LAMC1: variants seen among roughly 807,000 people sequenced by gnomAD.
The protein encoded by LAMC1 is laminin subunit gamma-1.
In LAMC1, 38 loss-of-function variants were observed where a neutral mutation model predicts 173.6. The observed-to-expected ratio is 0.22, with a 90% CI of 0.17 to 0.29. LAMC1 has a LOEUF of 0.29. LAMC1 is among the 10% of genes least tolerant of loss of function. The probability of loss-of-function intolerance (pLI) is 1.00; values close to 1 mark genes in which losing one functional copy is unlikely to be tolerated. For missense variants in LAMC1, 1,824 were observed against 2,051.8 expected (o/e 0.89, Z 2.14); for synonymous variants, 746 against 749.1 (o/e 1.00, Z 0.07).
chr1:183,122,127 T>C lies in LAMC1; in HGVS notation c.2277T>C (p.Tyr759=), dbSNP rs756203689. The C allele has an allele frequency of 1.2e-6, 2 of 1,614,186 alleles. No homozygotes were observed. Among genetic ancestry groups the C allele is most frequent in the Non-Finnish European group, 1.7e-6 (2 of 1,180,010 alleles). ...GTGAGAAGTGCAGTGATGGGTACTA[T>C]GGAGATTCAACTGCAGGCACCTCCT... is the stretch of plus-strand genomic sequence containing the variant. ...PHCEKCSDGY[Y]GDSTAGTSSD... Residue 759 remains tyrosine, a synonymous_variant, in exon 13 of 28, where the codon TAT becomes TAC. Transcript: ENST00000258341.
At chr1:183,036,654 G>T (rs1653992896) in intron 1 of LAMC1, among the ~76,000 whole-genome samples, 1 of 152,130 alleles carries the variant, frequency 6.6e-6, no homozygotes, top group African/African-American at 2.4e-5. Flanking sequence ...GCTTCCCAAA[G>T]TGCTGAGATT....
intron 4 of LAMC1, among the ~76,000 whole-genome samples, chr1:183,112,412 A>G (rs527832138): frequency 9.2e-5 from 14 of 152,264 alleles, no homozygotes; most frequent in East Asian, 1.9e-4. Context: ...AACATTGCCA[A>G]TTCACCTCTA....
chr1:183,068,505 C>T (rs1290573060), intron 1 of LAMC1, among the ~76,000 whole-genome samples: 2 of 152,176 alleles, frequency 1.3e-5, no homozygotes, highest in African/African-American at 4.8e-5. Context: ...TGAGGACCTA[C>T]TATGTGTAAG....
chr1:183,135,212 T>C, intron 24 of LAMC1, 56 bp downstream of exon 24: 2 of 1,031,190 alleles, frequency 1.9e-6, no homozygotes, highest in Non-Finnish European at 1.5e-6. Flanking sequence ...GTGATTTTTT[T>C]TTTTAATCAT....
At chr1:183,044,109 C>CT (rs1654206429) in intron 1 of LAMC1, among the ~76,000 whole-genome samples, 1 of 151,964 alleles carries the variant, frequency 6.6e-6, no homozygotes, top group South Asian at 2.1e-4. Context: ...TTGCTTTTGC[C>CT]TGTTGTGTTC....
intron 1 of LAMC1, among the ~76,000 whole-genome samples, chr1:183,070,226 C>T (rs1236029411): frequency 1.3e-5 from 2 of 152,196 alleles, no homozygotes; most frequent in East Asian, 1.9e-4. Flanking sequence ...ATTATTTAGT[C>T]TCTGGGCCTG....
intron 1 of LAMC1, among the ~76,000 whole-genome samples, chr1:183,050,541 C>CA (rs1654394620): frequency 6.9e-6 from 1 of 145,804 alleles, no homozygotes; most frequent in Non-Finnish European, 1.5e-5. Context: ...CTCGGCCTCC[C>CA]AAAGTGCTGG....
intron 16 of LAMC1, 109 bp from the exon 17 acceptor site, chr1:183,127,117 T>TCA (rs1656639972): frequency 1.0e-6 from 1 of 998,514 alleles, no homozygotes; most frequent in African/African-American, 1.8e-5. Context: ...TTCAAAAAAA[T>TCA]TATGACAGTA....
In LAMC1 at chr1:183,117,689, T is replaced by C; in HGVS notation, c.1843T>C (p.Tyr615His). 6.2e-7 allele frequency: 1 copy of C among 1,614,238 alleles called. No homozygotes were observed. The highest frequency in any genetic ancestry group is 8.5e-7 in the Non-Finnish European group (1 of 1,180,032). The change falls in exon 10 of 28, where the codon TAT becomes CAT. Residue 615 changes from tyrosine (Y) to histidine (H), a missense_variant. By Grantham distance (83) the Tyr-to-His change is moderately conservative. Coordinates refer to ENST00000258341, the MANE Select transcript of LAMC1 (RefSeq NM_002293.4). ...ACCCTTGATCGCTCAGGGCAATTCC[T>C]ATCCAAGTGAGACCACTGTGAAGTA... ...SVPLIAQGNS[Y>H]PSETTVKYVF...
chr1:183,090,870 A>G (rs915099626), intron 1 of LAMC1, among the ~76,000 whole-genome samples: 1 of 151,974 alleles, frequency 6.6e-6, no homozygotes, highest in Non-Finnish European at 1.5e-5. Context: ...ACTTTTTCCA[A>G]GAGTGTTGTT....
chr1:183,114,691 C>T lies in LAMC1; in HGVS notation c.1182C>T (p.Ala394=). The T allele has an allele frequency of 1.2e-6, 2 of 1,614,186 alleles. No homozygotes were observed. Among genetic ancestry groups the T allele is most frequent in the Non-Finnish European group, 1.7e-6 (2 of 1,180,042 alleles). ...ENFFRLGNNE[A]CSSCHCSPVG... ...TCTTCCGCCTTGGCAACAATGAAGC[C>T]TGCTCTTCATGCCACTGTAGTCCTG... The change falls in exon 5 of 28, where the codon GCC becomes GCT. Residue 394 remains alanine, a synonymous_variant. Coordinates refer to ENST00000258341, the MANE Select transcript of LAMC1 (RefSeq NM_002293.4).
intron 1 of LAMC1, among the ~76,000 whole-genome samples, chr1:183,050,930 A>T (rs1386124833): frequency 6.6e-6 from 1 of 151,366 alleles, no homozygotes; most frequent in Non-Finnish European, 1.5e-5. Context: ...GAATTAAAAG[A>T]CGTGGATATT....
chr1:183,130,317 CAG>C (rs1656746770), intron 18 of LAMC1, 25 bp from the exon 19 acceptor site: 1 of 1,576,174 alleles, frequency 6.3e-7, no homozygotes, highest in Admixed American at 1.7e-5. Context: ...AGATAATTTA[CAG>C]ACTTTCTTCT....
chr1:183,084,219 C>T (rs1220093952), intron 1 of LAMC1, among the ~76,000 whole-genome samples: 7 of 151,988 alleles, frequency 4.6e-5, no homozygotes, highest in African/African-American at 1.5e-4. Context: ...GCGGGCCGCC[C>T]GTAGTCCCAG....
intron 1 of LAMC1, among the ~76,000 whole-genome samples, chr1:183,068,252 A>C (rs560521572): frequency 6.6e-6 from 1 of 151,762 alleles, no homozygotes; most frequent in Non-Finnish European, 1.5e-5. Context: ...TTGTGTGTGT[A>C]TGTGTGTGTG....
At chr1:183,041,685 C>CAG (rs1369701023) in intron 1 of LAMC1, among the ~76,000 whole-genome samples, 1 of 152,164 alleles carries the variant, frequency 6.6e-6, no homozygotes, top group Non-Finnish European at 1.5e-5. Flanking sequence ...GGAGACAGGG[C>CAG]AGAGAAGACC....
At chr1:183,046,427 A>G (rs1654269734) in intron 1 of LAMC1, among the ~76,000 whole-genome samples, 1 of 151,646 alleles carries the variant, frequency 6.6e-6, no homozygotes, top group South Asian at 2.1e-4. Context: ...GATTGAATTG[A>G]CATCTTTATT....
At chr1:183,115,789 AG>A (rs1656302360) in intron 6 of LAMC1, 152 bp downstream of exon 6, 1 of 644,730 alleles carries the variant, frequency 1.6e-6, no homozygotes, top group African/African-American at 1.8e-5. Context: ...GTGAGCCACA[AG>A]GGGTTTGGCT....
In LAMC1 at chr1:183,134,737, C is replaced by A; in HGVS notation, c.3927C>A (p.Asp1309Glu). 2 of 1,612,792 alleles carry A rather than the reference C, an allele frequency of 1.2e-6. No homozygotes were observed. Among genetic ancestry groups the A allele is most frequent in the Non-Finnish European group, 1.7e-6 (2 of 1,178,828 alleles). ...ACCAGAAATTAAAAGATTATGAGGA[C>A]CTCAGAGAAGATATGAGAGGGAAGG... ...LIDQKLKDYEDLREDMRGKEL... is the reference protein window; with the variant it reads ...LIDQKLKDYEELREDMRGKEL... Residue 1309 changes from aspartate to glutamate, a missense_variant, in exon 23 of 28, where the codon GAC becomes GAA. Physicochemically the swap from Asp to Glu is conservative, Grantham distance 45. Transcript: ENST00000258341.
Sources: gnomAD v4.1 joint callset for allele counts (sites outside exome capture counted in the v4.1 genomes callset) on GRCh38, gnomAD v4.1.1 for gene constraint, MANE v1.5 for transcripts, NCBI Gene and HGNC (gene_info 2026-07-23, HGNC 2026-07-21) for gene names.